Variants in SLC27A2 observed in about 807,000 individuals in gnomAD.
SLC27A2 encodes long-chain fatty acid transport protein 2.
SLC27A2 carries 54 observed loss-of-function variants against 60.0 expected under a neutral mutation model. The observed-to-expected ratio is 0.90, with a 90% confidence interval of 0.72 to 1.13. The LOEUF is 1.13. SLC27A2 is among the 50% of genes most tolerant of loss of function. The probability of loss-of-function intolerance (pLI) is 0.00; values close to 1 mark genes in which losing one functional copy is unlikely to be tolerated. For missense variants in SLC27A2, 739 were observed against 777.6 expected, an observed-to-expected ratio of 0.95 and a Z score of 0.59; for synonymous variants, 297 against 297.6, an observed-to-expected ratio of 1.00 and a Z score of 0.02.
At chr15:50,204,373 C>T (rs2414037) in intron 3 of SLC27A2, among the ~76,000 whole-genome samples, 14,984 of 151,728 alleles carry the variant, frequency 0.099, 872 homozygotes, top group Middle Eastern at 0.13. Flanking sequence ...GGCTGAGGCA[C>T]GAGAACCCAC....
chr15:50,182,867 T>G lies in SLC27A2; in HGVS notation c.440T>G (p.Phe147Cys). ...CGCGCGAAGTCCCTGCTGCACTGCTTCCAGTGCTGCGGGGCGAAGGTGCTG... is the reference window on the plus strand; with the variant it reads ...CGCGCGAAGTCCCTGCTGCACTGCTGCCAGTGCTGCGGGGCGAAGGTGCTG... ...NIRAKSLLHC[F>C]QCCGAKVLLV... Residue 147 changes from phenylalanine (F) to cysteine (C), a missense_variant, in exon 1 of 10, where the codon TTC becomes TGC. By Grantham distance (205) the Phe-to-Cys change is radical (BLOSUM62 -2). Coordinates refer to ENST00000267842, the MANE Select transcript of SLC27A2 (RefSeq NM_003645.4). 2 of 1,612,432 alleles carry G rather than the reference T, an allele frequency of 1.2e-6. No homozygotes were observed. The highest frequency in any genetic ancestry group is 1.7e-6 in the Non-Finnish European group (2 of 1,179,734).
intron 4 of SLC27A2, among the ~76,000 whole-genome samples, chr15:50,208,018 A>G (rs1352788794): frequency 6.6e-6 from 1 of 151,936 alleles, no homozygotes; most frequent in East Asian, 1.9e-4. Context: ...CAATGTAATC[A>G]GGAACTTCTT....
At chr15:50,224,140 A>G (rs1282148594) in intron 5 of SLC27A2, among the ~76,000 whole-genome samples, 1 of 152,204 alleles carries the variant, frequency 6.6e-6, no homozygotes, top group East Asian at 1.9e-4. Flanking sequence ...AGGGAAAAGG[A>G]TTGTTGAAAG....
chr15:50,196,067 AAAAAAAAAAAATATATATAT>A (rs2045015558), intron 1 of SLC27A2, among the ~76,000 whole-genome samples: 1 of 24,120 alleles, frequency 4.1e-5, no homozygotes, highest in South Asian at 2.1e-3. Context: ...AAAAAAAAAA[AAAAAAAAAAAATATATATAT>A]ATATATATAT....
In SLC27A2 at chr15:50,236,036, G is replaced by A. The variant is rs763341517; in HGVS notation, c.1803G>A (p.Met601Ile). The change falls in exon 10 of 10, where the codon ATG (methionine) becomes ATA (isoleucine). Residue 601 changes from methionine (M) to isoleucine (I), a missense_variant. Physicochemically the swap from Met to Ile is conservative, Grantham distance 10. Coordinates refer to ENST00000267842, the MANE Select transcript of SLC27A2 (RefSeq NM_003645.4). Reference sequence around the variant, plus strand: ...ATTTCTTGGATGACACAGCAAAAATGTATGTGCCTATGACTGAGGACATCT... The same window carrying A: ...ATTTCTTGGATGACACAGCAAAAATATATGTGCCTATGACTGAGGACATCT... ...ALYFLDDTAK[M>I]YVPMTEDIYN... is the part of the protein sequence containing the mutation. 6 of 1,614,106 alleles carry A rather than the reference G, an allele frequency of 3.7e-6. No individual in the cohort carries two copies. The South Asian group carries it at 4.4e-5, about 12-fold the overall frequency.
rs1595676268 is a variant in SLC27A2, at chr15:50,182,346, G to T, written c.-82G>T. 2.2e-6 allele frequency: 3 copies of T among 1,373,350 alleles called. No homozygotes were observed. The highest frequency in any genetic ancestry group is 1.9e-6 in the Non-Finnish European group (2 of 1,064,336). 85.1% of individuals were successfully genotyped at this position (1,373,350 alleles called of 1,614,324 possible). A position where few individuals can be genotyped will look rare whatever the true frequency, so the allele number is the denominator to read the frequency against. On this transcript the variant is annotated 5_prime_UTR_variant, in exon 1 of 10. Coordinates refer to ENST00000267842, the MANE Select transcript of SLC27A2 (RefSeq NM_003645.4). ...GCGCCCCGGCGCAGCCCGCCAGTCC[G>T]CCCGGAGCCCGCCCAGTCGCCGCGC... is the stretch of plus-strand genomic sequence containing the variant.
intron 1 of SLC27A2, among the ~76,000 whole-genome samples, chr15:50,187,955 G>A (rs1192274243): frequency 6.7e-6 from 1 of 149,704 alleles, no homozygotes; most frequent in Non-Finnish European, 1.5e-5. Flanking sequence ...ACATTTAGAG[G>A]GAGGAGAGGC....
In SLC27A2 at chr15:50,182,635, C is replaced by A. The variant is rs2044869618; in HGVS notation, c.208C>A (p.Pro70Thr). 1 of 1,614,014 alleles carries A rather than the reference C, an allele frequency of 6.2e-7. No homozygotes were observed. Among genetic ancestry groups the A allele is most frequent in the Non-Finnish European group, 8.5e-7 (1 of 1,179,926 alleles). The change falls in exon 1 of 10, where the codon CCT becomes ACT. Residue 70 changes from proline (P) to threonine (T), a missense_variant. By Grantham distance (38) the Pro-to-Thr change is conservative. Transcript: ENST00000267842. ...LEKARQTPHK[P>T]FLLFRDETLT... ...GAAAGCGCGCCAGACGCCACACAAG[C>A]CTTTTCTGCTCTTCCGCGACGAGAC...
At chr15:50,230,264 C>T (rs534906361) in intron 8 of SLC27A2, among the ~76,000 whole-genome samples, 3 of 148,570 alleles carry the variant, frequency 2.0e-5, no homozygotes, top group Non-Finnish European at 4.4e-5. Flanking sequence ...AAATTAAGTC[C>T]GGACACTGTG....
rs572325961 is a variant in SLC27A2, at chr15:50,202,696, C to T, written c.847+51C>T. On this transcript the variant is annotated intron_variant, in intron 3 of 9. Coordinates refer to ENST00000267842, the MANE Select transcript of SLC27A2 (RefSeq NM_003645.4). The stretch of plus-strand genomic sequence containing the variant: ...AGGCGAGTGCACATTTACATTTTCC[C>T]AGAAGGAACAGTAATACAAAATTTG... 48 of 1,586,744 alleles carry T rather than the reference C, an allele frequency of 3.0e-5. No individual in the cohort carries two copies. In the East Asian group the frequency reaches 7.2e-4, roughly 24 times the overall value.
intron 1 of SLC27A2, among the ~76,000 whole-genome samples, chr15:50,185,415 A>T (rs2044912803): frequency 6.6e-6 from 1 of 152,216 alleles, no homozygotes; most frequent in Non-Finnish European, 1.5e-5. Context: ...GCAAAATTAC[A>T]GTCTGTCACA....
chr15:50,204,561 T>C (rs190634783), intron 3 of SLC27A2, among the ~76,000 whole-genome samples: 22 of 151,708 alleles, frequency 1.5e-4, no homozygotes, highest in Non-Finnish European at 2.2e-4. Flanking sequence ...GTGAAACCCC[T>C]TCTCTACTAA....
At chr15:50,216,610 G>GTGTGTGTGTGTGTATATATA (rs1323910367) in intron 4 of SLC27A2, among the ~76,000 whole-genome samples, 2 of 66,482 alleles carry the variant, frequency 3.0e-5, no homozygotes, top group African/African-American at 5.5e-5. Flanking sequence ...GTGTGTGTGT[G>GTGTGTGTGTGTGTATATATA]TATATATATA....
chr15:50,211,810 G>A (rs768095723), intron 4 of SLC27A2, among the ~76,000 whole-genome samples: 1 of 152,102 alleles, frequency 6.6e-6, no homozygotes, highest in Non-Finnish European at 1.5e-5. Flanking sequence ...GGTGGCTGAA[G>A]CCTGTAATCC....
rs987425667 is a variant in SLC27A2, at chr15:50,197,603, C to A, written c.582C>A (p.Phe194Leu). ...RTSNTDGIDSFLDKVDEVSTE... is the reference protein window; with the variant it reads ...RTSNTDGIDSLLDKVDEVSTE... Reference sequence around the variant, plus strand: ...CTAACACAGATGGGATTGACTCTTTCCTGGACAAAGTGGATGAAGTATCAA... The same window carrying A: ...CTAACACAGATGGGATTGACTCTTTACTGGACAAAGTGGATGAAGTATCAA... The change falls in exon 2 of 10, where the codon TTC (phenylalanine) becomes TTA (leucine). Residue 194 changes from phenylalanine (F) to leucine (L), a missense_variant. Phe to Leu is a conservative substitution (Grantham distance 22, BLOSUM62 0). Coordinates refer to ENST00000267842, the MANE Select transcript of SLC27A2 (RefSeq NM_003645.4). 6.2e-6 allele frequency: 10 copies of A among 1,613,844 alleles called. No homozygotes were observed. In the African/African-American group the frequency reaches 1.2e-4, roughly 19 times the overall value.
chr15:50,195,795 C>G (rs1403149409), intron 1 of SLC27A2, among the ~76,000 whole-genome samples: 3 of 151,410 alleles, frequency 2.0e-5, no homozygotes, highest in African/African-American at 7.3e-5. Context: ...CATTTAGTCA[C>G]CTTCCTACCC....
At chr15:50,219,662 G>A (rs1289525091) in intron 4 of SLC27A2, among the ~76,000 whole-genome samples, 1 of 152,088 alleles carries the variant, frequency 6.6e-6, no homozygotes, top group East Asian at 1.9e-4. Context: ...ATTGTAATAT[G>A]AGGCAAATAC....
At chr15:50,216,628 A>G (rs1277896125) in intron 4 of SLC27A2, among the ~76,000 whole-genome samples, 1,151 of 113,492 alleles carry the variant, frequency 0.01, 85 homozygotes, top group Non-Finnish European at 0.013. Flanking sequence ...ATATATATAT[A>G]TATATATATA....
At chr15:50,205,129 A>T in intron 3 of SLC27A2, 110 bp from the exon 4 acceptor site, 1 of 1,349,616 alleles carries the variant, frequency 7.4e-7, no homozygotes, top group South Asian at 1.5e-5. Flanking sequence ...ACTTGTTTGC[A>T]AATATAATTT....
Sources: gnomAD v4.1 joint callset for allele counts (sites outside exome capture counted in the v4.1 genomes callset) on GRCh38, gnomAD v4.1.1 for gene constraint, MANE v1.5 for transcripts, NCBI Gene and HGNC (gene_info 2026-07-23, HGNC 2026-07-21) for gene names.